PRKAG2: variants seen among roughly 807,000 people sequenced by gnomAD.
PRKAG2 encodes the protein 5'-AMP-activated protein kinase subunit gamma-2.
In PRKAG2, 26 loss-of-function variants were observed where a neutral mutation model predicts 69.6. The ratio of observed to expected loss-of-function variants is 0.37; its 90% CI spans 0.27 to 0.52. The LOEUF (loss-of-function observed/expected upper bound fraction) is 0.52. Among genes scored for constraint, PRKAG2 ranks in the 20% least tolerant of loss-of-function variants. PRKAG2 has a pLI of 0.90. For missense variants in PRKAG2, 557 were observed against 740.0 expected (o/e 0.75, Z 2.87); for synonymous variants, 293 against 285.0 (o/e 1.03, Z -0.28).
intron 4 of PRKAG2, among the ~76,000 whole-genome samples, chr7:151,666,598 G>A (rs1261801754): frequency 6.6e-6 from 1 of 152,166 alleles, no homozygotes; most frequent in Non-Finnish European, 1.5e-5. Flanking sequence ...CTTTTATGAG[G>A]TCTCTCAGTT....
intron 5 of PRKAG2, among the ~76,000 whole-genome samples, chr7:151,621,521 C>CAAAA (rs1821486992): frequency 6.6e-6 from 1 of 151,952 alleles, no homozygotes; most frequent in Admixed American, 6.6e-5. Flanking sequence ...TGTCACAAAA[C>CAAAA]AAAACAAAAC....
At position 151,574,875 on chromosome 7, in the gene PRKAG2, A is replaced by T. The variant is rs747438819; in HGVS notation, c.1005+16T>A. On this transcript the variant is annotated intron_variant, in intron 8 of 15. Coordinates refer to ENST00000287878, the MANE Select transcript of PRKAG2 (RefSeq NM_016203.4). ...GTACAGCTCCAACTACTGACATAGGAACTGGTGCCACTTACCATAGGTGAT... is the reference window on the plus strand; with the variant it reads ...GTACAGCTCCAACTACTGACATAGGTACTGGTGCCACTTACCATAGGTGAT... The T allele has an allele frequency of 1.9e-6, 3 of 1,613,650 alleles. No individual in the cohort carries two copies. Among genetic ancestry groups the T allele is most frequent in the Non-Finnish European group, 2.5e-6 (3 of 1,179,744 alleles).
intron 3 of PRKAG2, among the ~76,000 whole-genome samples, chr7:151,739,356 CA>C (rs1370412313): frequency 6.6e-6 from 1 of 152,224 alleles, no homozygotes; most frequent in Admixed American, 6.5e-5. Flanking sequence ...CAATTTCTAC[CA>C]AATTGACTGA....
At chr7:151,833,189 A>C (rs11771216) in intron 1 of PRKAG2, among the ~76,000 whole-genome samples, 44,378 of 152,112 alleles carry the variant, frequency 0.29, 6,806 homozygotes, top group Non-Finnish European at 0.33. Flanking sequence ...GAGTCTTTTG[A>C]TTAGATGGTC....
chr7:151,578,935 A>C (rs937897383), intron 6 of PRKAG2, among the ~76,000 whole-genome samples: 2 of 152,182 alleles, frequency 1.3e-5, no homozygotes, highest in Admixed American at 6.5e-5. Flanking sequence ...AACACACTGA[A>C]TATCTGGTAA....
At chr7:151,718,658 AG>A (rs1009026492) in intron 3 of PRKAG2, among the ~76,000 whole-genome samples, 2 of 125,148 alleles carry the variant, frequency 1.6e-5, no homozygotes, top group Non-Finnish European at 3.3e-5. Flanking sequence ...AAAAAAACCC[AG>A]GTTTTTTTTG....
chr7:151,607,691 T>A (rs1817837865), intron 5 of PRKAG2, among the ~76,000 whole-genome samples: 1 of 152,192 alleles, frequency 6.6e-6, no homozygotes, highest in Admixed American at 6.5e-5. Context: ...CTAGGATCAT[T>A]TCAACATATC....
intron 3 of PRKAG2, among the ~76,000 whole-genome samples, chr7:151,765,153 T>G (rs866045527): frequency 3.7e-4 from 56 of 152,298 alleles, no homozygotes; most frequent in African/African-American, 1.2e-3. Context: ...ACTGGGTAAC[T>G]TATGCAGAAA....
At position 151,719,069 on chromosome 7, in the gene PRKAG2, G is replaced by A. The variant is rs181344547; in HGVS notation, c.467-43432C>T. 6.6e-5 allele frequency among the ~76,000 whole-genome samples: 10 copies of A among 152,202 alleles called. No homozygotes were observed. In the East Asian group the frequency reaches 1.4e-3, roughly 21 times the overall value. On this transcript the variant is annotated intron_variant, in intron 3 of 15. Coordinates refer to ENST00000287878, the MANE Select transcript of PRKAG2 (RefSeq NM_016203.4). This position sits in a 1 kb window ranked among gnomAD's most constrained non-coding sequence, Gnocchi z 5.2. ...AAGCCCCTGATAAGTACAAGGCCCCGAACTCAGGGAAATGGAGGGGACTGA... is the reference window on the plus strand; with the variant it reads ...AAGCCCCTGATAAGTACAAGGCCCCAAACTCAGGGAAATGGAGGGGACTGA...
rs373067232 is a variant in PRKAG2, at chr7:151,570,462, T to C, written c.1052-237A>G. On this transcript the variant is annotated intron_variant, in intron 9 of 15. Transcript: ENST00000287878. ...AGAAAAATTAAATATTAAAAAACAA[T>C]GTGACAGTAAGTGTTTATAAAATCA... Among the ~76,000 whole-genome samples, 167 of 152,280 alleles carry C rather than the reference T, an allele frequency of 1.1e-3. 1 individual carries two copies. The highest frequency in any genetic ancestry group is 3.7e-3 in the African/African-American group (152 of 41,560).
intron 4 of PRKAG2, among the ~76,000 whole-genome samples, chr7:151,662,222 C>T (rs757921717): frequency 2.6e-5 from 4 of 152,174 alleles, no homozygotes; most frequent in Admixed American, 6.5e-5. Flanking sequence ...AATCATTTTC[C>T]TAACCTCTGC....
chr7:151,868,135 C>T (rs76107004), intron 1 of PRKAG2, among the ~76,000 whole-genome samples: 4,290 of 152,290 alleles, frequency 0.028, 194 homozygotes, highest in African/African-American at 0.097. Flanking sequence ...TGGTGATAGC[C>T]GATTGGTCCG....
chr7:151,816,542 T>C (rs897212307), intron 1 of PRKAG2, among the ~76,000 whole-genome samples: 1 of 152,166 alleles, frequency 6.6e-6, no homozygotes, highest in Non-Finnish European at 1.5e-5. Flanking sequence ...GGATCATGGA[T>C]GAACACGCAT....
chr7:151,703,487 T>C (rs10251362), intron 3 of PRKAG2, among the ~76,000 whole-genome samples: 5,606 of 149,986 alleles, frequency 0.037, 261 homozygotes, highest in African/African-American at 0.11. Flanking sequence ...TCCCACATCA[T>C]CTGGCCACTT....
At chr7:151,641,393 G>A (rs375685106) in intron 4 of PRKAG2, among the ~76,000 whole-genome samples, 93 of 150,522 alleles carry the variant, frequency 6.2e-4, no homozygotes, top group Admixed American at 9.3e-4. Context: ...GACTACAGGC[G>A]CACACCACCA....
At chr7:151,673,444 C>T (rs931693837) in intron 4 of PRKAG2, among the ~76,000 whole-genome samples, 3 of 152,098 alleles carry the variant, frequency 2.0e-5, no homozygotes, top group African/African-American at 2.4e-5. Flanking sequence ...CCTGTAGGGC[C>T]GACTGTGCCA....
chr7:151,562,244 C>CAAAAAAAAA lies in PRKAG2; in HGVS notation c.1585-1636_1585-1628dup, dbSNP rs575674668. On this transcript the variant is annotated intron_variant, in intron 14 of 15. Coordinates refer to ENST00000287878, the MANE Select transcript of PRKAG2 (RefSeq NM_016203.4). Reference sequence around the variant, plus strand: ...TGGGCGACAGAGTGAGACTTTGTCTCAAAAAAAAAAAAAAAAAAAAAAAAA... The same window carrying CAAAAAAAAA: ...TGGGCGACAGAGTGAGACTTTGTCTCAAAAAAAAAAAAAAAAAAAAAAAAAAAAAAAAAA... Among the ~76,000 whole-genome samples, 27 of 38,472 alleles carry CAAAAAAAAA rather than the reference C, an allele frequency of 7.0e-4. 1 individual carries two copies. The highest frequency in any genetic ancestry group is 1.1e-3 in the African/African-American group (17 of 15,770). 25.2% of individuals were successfully genotyped at this position (38,472 alleles called of 152,430 possible). A position where few individuals can be genotyped will look rare whatever the true frequency, so the allele number is the denominator to read the frequency against.
chr7:151,613,034 G>A (rs1050383771), intron 5 of PRKAG2, among the ~76,000 whole-genome samples: 1 of 152,184 alleles, frequency 6.6e-6, no homozygotes. Context: ...CAGCCGATGT[G>A]TCCCACACTC....
chr7:151,679,763 G>A (rs1311607426), intron 3 of PRKAG2, among the ~76,000 whole-genome samples: 1 of 151,972 alleles, frequency 6.6e-6, no homozygotes, highest in Admixed American at 6.5e-5. Flanking sequence ...CCTGAGCAGG[G>A]CATGATCAAA....
Sources: gnomAD v4.1 joint callset for allele counts (sites outside exome capture counted in the v4.1 genomes callset) on GRCh38, gnomAD v4.1.1 for gene constraint, Gnocchi (gnomAD v3.1) non-coding constraint, MANE v1.5 for transcripts, NCBI Gene and HGNC (gene_info 2026-07-23, HGNC 2026-07-21) for gene names.